Variants in HCN1 observed in about 807,000 individuals in gnomAD.
HCN1 encodes the protein potassium/sodium hyperpolarization-activated cyclic nucleotide-gated channel 1.
Under a neutral mutation model 78.9 loss-of-function variants are expected in HCN1, and 13 were observed. That is an observed-to-expected ratio of 0.16 (90% CI 0.11 to 0.26). The LOEUF (loss-of-function observed/expected upper bound fraction) is 0.26, where lower values mean the gene tolerates loss of function less well. Among genes scored for constraint, HCN1 ranks in the 10% least tolerant of loss-of-function variants. The probability of loss-of-function intolerance (pLI) is 1.00; values close to 1 mark genes in which losing one functional copy is unlikely to be tolerated. For missense variants in HCN1, 810 were observed against 1,154.3 expected, an observed-to-expected ratio of 0.70 and a Z score of 4.32; for synonymous variants, 552 against 455.5, an observed-to-expected ratio of 1.21 and a Z score of -2.70.
intron 3 of HCN1, among the ~76,000 whole-genome samples, chr5:45,399,915 T>G (rs1739758768): frequency 6.6e-6 from 1 of 152,162 alleles, no homozygotes; most frequent in Non-Finnish European, 1.5e-5. Context: ...GTACATAGTA[T>G]AATAAACTCA....
Position 45,256,372 on chromosome 5 carries a change from TAAAAAAAAAA to T in HCN1, c.*5539_*5548del. 2 of 131,866 alleles carry T rather than the reference TAAAAAAAAAA, an allele frequency of 1.5e-5. No individual in the cohort carries two copies. Among genetic ancestry groups the T allele is most frequent in the South Asian group, 5.0e-4 (2 of 3,992 alleles). The allele number at this position is 131,866 out of a possible 1,614,324, so 8.2% of individuals were successfully genotyped here. A position where few individuals can be genotyped will look rare whatever the true frequency, so the allele number is the denominator to read the frequency against. On this transcript the variant is annotated 3_prime_UTR_variant, in exon 8 of 8. Coordinates refer to ENST00000303230, the MANE Select transcript of HCN1 (RefSeq NM_021072.4). Reference sequence around the variant, plus strand: ...TGGGTGACAGAGCCAGACTCCATCTTAAAAAAAAAAAAAAAAAAAGATGTTTCCCTTTGGG... The same window carrying T: ...TGGGTGACAGAGCCAGACTCCATCTTAAAAAAAAAGATGTTTCCCTTTGGG...
intron 2 of HCN1, chr5:45,644,426 A>T (rs1745507404): frequency 6.6e-6 from 1 of 152,162 alleles, no homozygotes; most frequent in African/African-American, 2.4e-5. Context: ...GGTTTAACTC[A>T]GATCTTTGGA....
At chr5:45,637,793 A>T (rs1475348326) in intron 2 of HCN1, among the ~76,000 whole-genome samples, 1 of 152,164 alleles carries the variant, frequency 6.6e-6, no homozygotes, top group Non-Finnish European at 1.5e-5. Flanking sequence ...GAATATGAGC[A>T]AAGAGTTTCT....
intron 4 of HCN1, among the ~76,000 whole-genome samples, chr5:45,372,120 TATTATATATATAATATAATAA>T (rs1309832460): frequency 3.5e-5 from 2 of 57,206 alleles, no homozygotes; most frequent in East Asian, 7.5e-4. Context: ...TATAATTATA[TATTATATATATAATATAATAA>T]TATATTATAT....
chr5:45,266,771 C>T (rs2111846236), intron 7 of HCN1, among the ~76,000 whole-genome samples: 1 of 150,806 alleles, frequency 6.6e-6, no homozygotes, highest in South Asian at 2.1e-4. Context: ...TGCAGTGGTA[C>T]CATCTTGGTT....
At chr5:45,693,416 G>T (rs568005138) in intron 1 of HCN1, among the ~76,000 whole-genome samples, 1 of 152,094 alleles carries the variant, frequency 6.6e-6, no homozygotes, top group Non-Finnish European at 1.5e-5. Context: ...AATGATAATT[G>T]CTTAATTTGT....
At chr5:45,370,902 T>A (rs1747340467) in intron 4 of HCN1, among the ~76,000 whole-genome samples, 1 of 152,122 alleles carries the variant, frequency 6.6e-6, no homozygotes. Flanking sequence ...AATGTAAATT[T>A]TAAAAATTCT....
intron 2 of HCN1, among the ~76,000 whole-genome samples, chr5:45,539,057 AG>A (rs1348058321): frequency 3.9e-5 from 6 of 152,236 alleles, no homozygotes; most frequent in African/African-American, 9.6e-5. Context: ...TTTAAAGCGT[AG>A]GTTCAATACT....
chr5:45,444,524 A>T (rs1443999948), intron 3 of HCN1, among the ~76,000 whole-genome samples: 1 of 152,148 alleles, frequency 6.6e-6, no homozygotes, highest in Admixed American at 6.5e-5. Flanking sequence ...AAAAACCCTT[A>T]GTATGCTTTA....
In HCN1 at chr5:45,344,728, C is replaced by T. The variant is rs985295463; in HGVS notation, c.1377+8372G>A. 6.9e-4 allele frequency among the ~76,000 whole-genome samples: 105 copies of T among 152,220 alleles called. 1 individual carries two copies. Among genetic ancestry groups the T allele is most frequent in the African/African-American group, 2.5e-3 (102 of 41,464 alleles). On this transcript the variant is annotated intron_variant, in intron 5 of 7. Transcript: ENST00000303230. ...GATGCAAGAGGTGGGCTCGCATGGC[C>T]TTGGGCAGCTCTATCCCTGTGGTTT...
At chr5:45,468,200 T>G (rs2111643028) in intron 2 of HCN1, among the ~76,000 whole-genome samples, 1 of 152,252 alleles carries the variant, frequency 6.6e-6, no homozygotes, top group African/African-American at 2.4e-5. Flanking sequence ...CTTTTTGAAG[T>G]GGCACAGATA....
At chr5:45,674,730 C>A (rs1658930621) in intron 1 of HCN1, among the ~76,000 whole-genome samples, 1 of 151,582 alleles carries the variant, frequency 6.6e-6, no homozygotes, top group South Asian at 2.1e-4. Context: ...GTACAATAAA[C>A]AATATTTGTG....
chr5:45,275,464 T>G (rs992209425), intron 6 of HCN1, among the ~76,000 whole-genome samples: 8 of 152,122 alleles, frequency 5.3e-5, no homozygotes, highest in African/African-American at 1.7e-4. Flanking sequence ...AACATGATTG[T>G]TTGATTTTGT....
intron 5 of HCN1, among the ~76,000 whole-genome samples, chr5:45,340,981 C>CT (rs1268420546): frequency 6.6e-6 from 1 of 152,082 alleles, no homozygotes; most frequent in African/African-American, 2.4e-5. Flanking sequence ...GTAAAAAATC[C>CT]TTTTTGCATT....
intron 2 of HCN1, among the ~76,000 whole-genome samples, chr5:45,503,204 C>A (rs1742226525): frequency 6.6e-6 from 1 of 152,078 alleles, no homozygotes; most frequent in Non-Finnish European, 1.5e-5. Flanking sequence ...GATAGGGCAA[C>A]ATTCTGATGT....
At chr5:45,320,250 C>T (rs1746096692) in intron 5 of HCN1, among the ~76,000 whole-genome samples, 1 of 151,864 alleles carries the variant, frequency 6.6e-6, no homozygotes, top group South Asian at 2.1e-4. Flanking sequence ...ATCTATACCA[C>T]ATGACACCTC....
chr5:45,396,385 T>TA (rs1739687172), intron 4 of HCN1, 107 bp downstream of exon 4: 2 of 867,616 alleles, frequency 2.3e-6, no homozygotes, highest in African/African-American at 3.4e-5. Flanking sequence ...ACATTTTATC[T>TA]CTTTTTTTTT....
intron 2 of HCN1, among the ~76,000 whole-genome samples, chr5:45,564,859 G>GA (rs1273520560): frequency 2.0e-5 from 3 of 152,160 alleles, no homozygotes; most frequent in South Asian, 2.1e-4. Context: ...AATGACAGCA[G>GA]AAAAAAAGCA....
chr5:45,646,367 CTT>C (rs201964510), intron 1 of HCN1, among the ~76,000 whole-genome samples: 1 of 123,522 alleles, frequency 8.1e-6, no homozygotes, highest in African/African-American at 3.1e-5. Context: ...TTCTTTCTTT[CTT>C]TTTTTTTTTT....
Sources: gnomAD v4.1 joint callset for allele counts (sites outside exome capture counted in the v4.1 genomes callset) on GRCh38, gnomAD v4.1.1 for gene constraint, MANE v1.5 for transcripts, NCBI Gene and HGNC (gene_info 2026-07-23, HGNC 2026-07-21) for gene names.